Variants in SLC35A3 observed in about 807,000 individuals in gnomAD.
The protein encoded by SLC35A3 is UDP-N-acetylglucosamine transporter.
SLC35A3 carries 26 observed loss-of-function variants against 39.0 expected under a neutral mutation model. The observed-to-expected ratio is 0.67, with a 90% CI of 0.49 to 0.92. SLC35A3 has a LOEUF of 0.92. Ranked by LOEUF, SLC35A3 falls within the 40% of genes least tolerant of loss-of-function variation. The pLI is 0.00. For missense variants in SLC35A3, 299 were observed against 371.6 expected, an observed-to-expected ratio of 0.80 and a Z score of 1.61; for synonymous variants, 135 against 133.1, an observed-to-expected ratio of 1.01 and a Z score of -0.10.
chr1:99,981,376 T>G (rs1048259929), intron 1 of SLC35A3, among the ~76,000 whole-genome samples: 1 of 152,208 alleles, frequency 6.6e-6, no homozygotes, highest in African/African-American at 2.4e-5. Flanking sequence ...AATCATAACT[T>G]AGGAATTTAG....
intron 5 of SLC35A3, among the ~76,000 whole-genome samples, chr1:100,013,499 G>C (rs1442277654): frequency 6.6e-6 from 1 of 150,722 alleles, no homozygotes; most frequent in Non-Finnish European, 1.5e-5. Context: ...TGTGGTCCAA[G>C]CTACTTCGGA....
At chr1:99,984,723 C>T (rs1657651925) in intron 1 of SLC35A3, among the ~76,000 whole-genome samples, 1 of 152,214 alleles carries the variant, frequency 6.6e-6, no homozygotes, top group Non-Finnish European at 1.5e-5. Flanking sequence ...GTTCCCTTTT[C>T]AACACATCCA....
At chr1:99,982,248 A>G (rs1657500092) in intron 1 of SLC35A3, among the ~76,000 whole-genome samples, 1 of 151,776 alleles carries the variant, frequency 6.6e-6, no homozygotes, top group African/African-American at 2.4e-5. Context: ...CAATCCGCCC[A>G]CCTCGGCCTC....
intron 2 of SLC35A3, among the ~76,000 whole-genome samples, chr1:99,994,874 C>A (rs1658289907): frequency 6.6e-6 from 1 of 152,158 alleles, no homozygotes; most frequent in African/African-American, 2.4e-5. Context: ...TTTTAAGGAA[C>A]CATCAAACTG....
At chr1:99,982,198 T>C (rs1557822578) in intron 1 of SLC35A3, among the ~76,000 whole-genome samples, 1 of 151,744 alleles carries the variant, frequency 6.6e-6, no homozygotes, top group Non-Finnish European at 1.5e-5. Context: ...TAGAGACGGG[T>C]TTTGCCATGT....
At chr1:100,015,453 A>G (rs768938607) in intron 6 of SLC35A3, 33 bp downstream of exon 6, 1 of 1,573,772 alleles carries the variant, frequency 6.4e-7, no homozygotes, top group Admixed American at 2.0e-5. Flanking sequence ...TTTAATGCTA[A>G]TAAACTGTAT....
Position 100,017,783 on chromosome 1 carries a change from CT to C in SLC35A3, c.856del (p.Tyr286IlefsTer20). On this transcript the variant is annotated frameshift_variant, in exon 7 of 8. Coordinates refer to ENST00000533028, the MANE Select transcript of SLC35A3 (RefSeq NM_012243.3). LOFTEE classifies it high-confidence loss of function. ...CGATAATATTATCAACATTGATCTC[CT>C]ATTTTTGGCTTCAAGATTTTGTGCC... ...LSIILSTLIS[Y>X]FWLQDFVPTS... 6.4e-7 allele frequency: 1 copy of C among 1,571,206 alleles called. No homozygotes were observed. The highest frequency in any genetic ancestry group is 1.2e-5 in the South Asian group (1 of 82,374).
chr1:100,013,470 G>T (rs904500502), intron 5 of SLC35A3, among the ~76,000 whole-genome samples: 4 of 150,656 alleles, frequency 2.7e-5, no homozygotes, highest in Admixed American at 6.6e-5. Context: ...AAAATTAGCT[G>T]GGTGTGGTAG....
chr1:99,984,600 G>A (rs1364640550), intron 1 of SLC35A3, among the ~76,000 whole-genome samples: 2 of 152,148 alleles, frequency 1.3e-5, no homozygotes, highest in Non-Finnish European at 2.9e-5. Context: ...TAGATACCTA[G>A]TAGCAGGATT....
At chr1:100,010,829 A>G (rs1428345257) in intron 4 of SLC35A3, among the ~76,000 whole-genome samples, 1 of 152,200 alleles carries the variant, frequency 6.6e-6, no homozygotes, top group Non-Finnish European at 1.5e-5. Context: ...CCCTGGTGCA[A>G]TGATCCTGGA....
At chr1:99,985,602 G>T (rs1657701898) in intron 1 of SLC35A3, among the ~76,000 whole-genome samples, 1 of 152,162 alleles carries the variant, frequency 6.6e-6, no homozygotes, top group Non-Finnish European at 1.5e-5. Flanking sequence ...GTTCTGTGAA[G>T]AATGATGCTG....
chr1:100,035,488 A>G lies in SLC35A3; in HGVS notation c.*13012A>G, dbSNP rs1356378614. ...TAGTATGTGTTAAATTTCTCTTACT[A>G]CATTATTTCCAACAGTATTTACTGC... On this transcript the variant is annotated 3_prime_UTR_variant, in exon 8 of 8. Coordinates refer to ENST00000533028, the MANE Select transcript of SLC35A3 (RefSeq NM_012243.3). 1 of 152,198 alleles carries G rather than the reference A, an allele frequency of 6.6e-6. No individual in the cohort carries two copies. The allele number at this position is 152,198 out of a possible 1,614,324, so 9.4% of individuals were successfully genotyped here.
intron 1 of SLC35A3, among the ~76,000 whole-genome samples, chr1:99,990,157 GT>G (rs1022800503): frequency 6.6e-6 from 1 of 151,984 alleles, no homozygotes; most frequent in Non-Finnish European, 1.5e-5. Context: ...CATGATTACA[GT>G]TTTTTTCCTA....
chr1:100,007,590 G>A (rs1223168992), intron 4 of SLC35A3: 2 of 151,774 alleles, frequency 1.3e-5, no homozygotes, highest in Non-Finnish European at 2.9e-5. Context: ...AAATACTGGG[G>A]TTGCTTGCAG....
chr1:99,970,629 G>A, intron 1 of SLC35A3: 1 of 1,536,106 alleles, frequency 6.5e-7, no homozygotes, highest in Non-Finnish European at 8.7e-7. Flanking sequence ...TTAAAGAAAT[G>A]GAAAGGCTGC....
intron 7 of SLC35A3, among the ~76,000 whole-genome samples, chr1:100,021,300 G>A (rs573846301): frequency 1.7e-4 from 26 of 151,600 alleles, no homozygotes; most frequent in African/African-American, 6.1e-4. Context: ...GGAGGCGGAG[G>A]TTGCAGTGAG....
In SLC35A3 at chr1:100,028,095, C is replaced by T. The variant is rs150734053; in HGVS notation, c.*5619C>T. 0.011 allele frequency: 1,607 copies of T among 152,074 alleles called. 15 individuals carry two copies. The highest frequency in any genetic ancestry group is 0.057 in the Middle Eastern group (17 of 296). The allele number at this position is 152,074 out of a possible 1,614,324, so 9.4% of individuals were successfully genotyped here. A position where few individuals can be genotyped will look rare whatever the true frequency, so the allele number is the denominator to read the frequency against. On this transcript the variant is annotated 3_prime_UTR_variant, in exon 8 of 8. Coordinates refer to ENST00000533028, the MANE Select transcript of SLC35A3 (RefSeq NM_012243.3). ...ACTGGGATTACAGGCCATGCCACCA[C>T]GCCCAACTAATTTTTGTATTTTTAG...
intron 3 of SLC35A3, among the ~76,000 whole-genome samples, chr1:100,001,998 G>C (rs1489554059): frequency 6.6e-6 from 1 of 152,090 alleles, no homozygotes; most frequent in Non-Finnish European, 1.5e-5. Context: ...TGTTGGAATT[G>C]ATTTGCAAGT....
intron 2 of SLC35A3, among the ~76,000 whole-genome samples, chr1:99,996,700 C>G (rs902991679): frequency 3.3e-5 from 5 of 151,950 alleles, no homozygotes; most frequent in African/African-American, 7.3e-5. Context: ...TAGCGAGGCC[C>G]TCATCTGTAA....
Sources: allele counts gnomAD v4.1 joint callset (sites outside exome capture counted in the v4.1 genomes callset), GRCh38; gene constraint gnomAD v4.1.1; transcripts MANE v1.5; gene names NCBI Gene and HGNC (gene_info 2026-07-23, HGNC 2026-07-21).